Variants in NEGR1 observed in about 807,000 individuals in gnomAD.
NEGR1 encodes IgLON family member 4.
Under a neutral mutation model 40.9 loss-of-function variants are expected in NEGR1, and 10 were observed. The observed-to-expected ratio is 0.24, with a 90% CI of 0.15 to 0.42. NEGR1 has a LOEUF of 0.42. NEGR1 is among the 10% of genes least tolerant of loss of function. The pLI, the probability that NEGR1 is intolerant of heterozygous loss-of-function variation, is 1.00. For synonymous variants in NEGR1, 185 were observed against 166.8 expected (o/e 1.11, Z -0.84); for missense variants, 352 against 438.9 (o/e 0.80, Z 1.77).
intron 1 of NEGR1, among the ~76,000 whole-genome samples, chr1:71,977,545 G>A (rs761525158): frequency 6.6e-6 from 1 of 151,832 alleles, no homozygotes; most frequent in South Asian, 2.1e-4. Flanking sequence ...TAAAGATTTC[G>A]TAAAAACCGA....
intron 1 of NEGR1, among the ~76,000 whole-genome samples, chr1:72,258,219 T>C (rs1655337583): frequency 6.6e-6 from 1 of 152,058 alleles, no homozygotes; most frequent in Non-Finnish European, 1.5e-5. Context: ...CTCAAGGAGG[T>C]GGTAGGTGCT....
intron 2 of NEGR1, among the ~76,000 whole-genome samples, chr1:71,787,828 C>T (rs1426510293): frequency 6.6e-6 from 1 of 152,194 alleles, no homozygotes; most frequent in Non-Finnish European, 1.5e-5. Context: ...CTTTGCCTCA[C>T]ATCTTGGCAA....
At chr1:71,588,905 T>C (rs768277799) in intron 6 of NEGR1, among the ~76,000 whole-genome samples, 8 of 152,138 alleles carry the variant, frequency 5.3e-5, no homozygotes, top group Non-Finnish European at 1.0e-4. Context: ...CCATTGGGCC[T>C]ATTAATCAGA....
At chr1:71,999,289 G>A (rs199603778) in intron 1 of NEGR1, among the ~76,000 whole-genome samples, 1 of 151,876 alleles carries the variant, frequency 6.6e-6, no homozygotes, top group East Asian at 1.9e-4. Flanking sequence ...TTCATAACCT[G>A]CCTTGTTGAC....
intron 1 of NEGR1, among the ~76,000 whole-genome samples, chr1:72,252,711 C>T (rs1655144567): frequency 6.6e-6 from 1 of 152,038 alleles, no homozygotes; most frequent in Non-Finnish European, 1.5e-5. Flanking sequence ...AAGATAGTTT[C>T]AATGTAGTGT....
chr1:71,492,511 AT>A (rs1336903301), intron 6 of NEGR1, among the ~76,000 whole-genome samples: 6 of 151,744 alleles, frequency 4.0e-5, no homozygotes, highest in African/African-American at 7.3e-5. Context: ...AATTTCTCTC[AT>A]TTCTTCACCT....
intron 1 of NEGR1, among the ~76,000 whole-genome samples, chr1:72,246,905 T>G (rs1314183425): frequency 6.6e-6 from 1 of 152,238 alleles, no homozygotes; most frequent in Non-Finnish European, 1.5e-5. Context: ...TTCTTAATTC[T>G]TACATTCTGC....
At chr1:71,814,946 A>C (rs1449466789) in intron 2 of NEGR1, among the ~76,000 whole-genome samples, 1 of 152,004 alleles carries the variant, frequency 6.6e-6, no homozygotes, top group Non-Finnish European at 1.5e-5. Context: ...GTCTTCTGCT[A>C]GCTTTGAAGT....
At chr1:72,246,947 G>A (rs12062718) in intron 1 of NEGR1, among the ~76,000 whole-genome samples, 6,084 of 152,292 alleles carry the variant, frequency 0.04, 390 homozygotes, top group African/African-American at 0.14. Flanking sequence ...CTTGGAAGCC[G>A]CCAAGGCTTA....
intron 1 of NEGR1, among the ~76,000 whole-genome samples, chr1:72,273,834 A>T (rs1030525280): frequency 9.8e-5 from 14 of 143,084 alleles, no homozygotes; most frequent in African/African-American, 2.4e-4. Flanking sequence ...ATATGGATTT[A>T]AAAAAAAAAA....
At chr1:71,738,861 A>G (rs1655118591) in intron 3 of NEGR1, among the ~76,000 whole-genome samples, 1 of 152,164 alleles carries the variant, frequency 6.6e-6, no homozygotes, top group South Asian at 2.1e-4. Context: ...TTAAATGTTT[A>G]TACATTGTAT....
intron 6 of NEGR1, among the ~76,000 whole-genome samples, chr1:71,586,564 C>T (rs1049015693): frequency 1.2e-4 from 18 of 152,092 alleles, no homozygotes; most frequent in Admixed American, 1.0e-3. Context: ...ACTAAAGCTC[C>T]GCTAACTGAT....
chr1:71,887,477 G>A (rs1023372471), intron 2 of NEGR1, among the ~76,000 whole-genome samples: 1 of 151,982 alleles, frequency 6.6e-6, no homozygotes, highest in African/African-American at 2.4e-5. Context: ...CTTGTACTAG[G>A]ATTTTTTAAC....
At chr1:71,416,214 T>A (rs540399480) in intron 6 of NEGR1, among the ~76,000 whole-genome samples, 13 of 152,296 alleles carry the variant, frequency 8.5e-5, no homozygotes, top group African/African-American at 3.1e-4. Flanking sequence ...GTTTTTATGA[T>A]CTTATACATG....
intron 2 of NEGR1, among the ~76,000 whole-genome samples, chr1:71,926,306 T>C (rs1458035754): frequency 6.6e-6 from 1 of 151,914 alleles, no homozygotes; most frequent in African/African-American, 2.4e-5. Flanking sequence ...CAGATATGTT[T>C]TTATGGAATA....
intron 3 of NEGR1, among the ~76,000 whole-genome samples, chr1:71,755,961 T>C (rs1252553785): frequency 6.6e-6 from 1 of 152,206 alleles, no homozygotes; most frequent in African/African-American, 2.4e-5. Flanking sequence ...TTTATTTAAG[T>C]AATCTATTTT....
At chr1:71,983,791 G>T (rs1348427276) in intron 1 of NEGR1, among the ~76,000 whole-genome samples, 1 of 152,082 alleles carries the variant, frequency 6.6e-6, no homozygotes, top group Non-Finnish European at 1.5e-5. Flanking sequence ...GATCAAAATA[G>T]CAAGTAAATA....
At chr1:71,656,679 C>T (rs796737987) in intron 4 of NEGR1, among the ~76,000 whole-genome samples, 8 of 152,318 alleles carry the variant, frequency 5.3e-5, no homozygotes, top group African/African-American at 1.7e-4. Flanking sequence ...GGATTACAGG[C>T]GTAAGCCACC....
At chr1:72,019,214 G>C (rs546767841) in intron 1 of NEGR1, among the ~76,000 whole-genome samples, 3 of 152,124 alleles carry the variant, frequency 2.0e-5, no homozygotes, top group Non-Finnish European at 4.4e-5. Context: ...TAACTGAAGA[G>C]ACAGAAGATA....
Sources: gnomAD v4.1 joint callset for allele counts (sites outside exome capture counted in the v4.1 genomes callset) on GRCh38, gnomAD v4.1.1 for gene constraint, MANE v1.5 for transcripts, NCBI Gene and HGNC (gene_info 2026-07-23, HGNC 2026-07-21) for gene names.